The following CTNNA3 variants were observed in gnomAD, a reference collection of about 807,000 sequenced individuals.
CTNNA3 encodes catenin alpha-3.
In CTNNA3, 76 loss-of-function variants were observed where a neutral mutation model predicts 95.7. That is an observed-to-expected ratio of 0.79 (90% confidence interval 0.66 to 0.96). CTNNA3 has a LOEUF of 0.96. Ranked by LOEUF, CTNNA3 falls within the 40% of genes least tolerant of loss-of-function variation. CTNNA3 has a pLI of 0.00. For synonymous variants in CTNNA3, 431 were observed against 374.4 expected, an observed-to-expected ratio of 1.15 and a Z score of -1.74; for missense variants, 1,191 against 1,089.8, an observed-to-expected ratio of 1.09 and a Z score of -1.31.
chr10:66,751,457 T>C (rs937309906), intron 9 of CTNNA3, among the ~76,000 whole-genome samples: 6 of 152,324 alleles, frequency 3.9e-5, no homozygotes, highest in Admixed American at 3.3e-4. Context: ...CAGTTTTATT[T>C]CTTTTTCCCA....
At chr10:67,738,878 G>C (rs553018531) in intron 1 of CTNNA3, among the ~76,000 whole-genome samples, 9 of 152,240 alleles carry the variant, frequency 5.9e-5, no homozygotes, top group Admixed American at 5.9e-4. Context: ...GAAGTGAGAA[G>C]AGAAGTTTAG....
At chr10:67,081,984 C>A (rs1470004019) in intron 7 of CTNNA3, among the ~76,000 whole-genome samples, 1 of 152,152 alleles carries the variant, frequency 6.6e-6, no homozygotes, top group Non-Finnish European at 1.5e-5. Context: ...GAATTACCAG[C>A]ACATAACACA....
At chr10:65,990,404 T>TC (rs1338957742) in intron 15 of CTNNA3, among the ~76,000 whole-genome samples, 226 of 150,610 alleles carry the variant, frequency 1.5e-3, no homozygotes, top group African/African-American at 5.3e-3. Context: ...TTTTTTTTTT[T>TC]CCTTTTAATA....
intron 3 of CTNNA3, among the ~76,000 whole-genome samples, chr10:67,598,195 T>G (rs10997745): frequency 0.18 from 26,731 of 152,038 alleles, 3,402 homozygotes; most frequent in East Asian, 0.66. Context: ...TGATCATTCT[T>G]GTTCCAAACC....
chr10:66,255,608 C>T (rs758198172), intron 13 of CTNNA3, among the ~76,000 whole-genome samples: 7 of 152,130 alleles, frequency 4.6e-5, no homozygotes, highest in Non-Finnish European at 1.0e-4. Flanking sequence ...TACACCCTTT[C>T]CATCTGCTTC....
chr10:66,157,054 T>G (rs1390553062), intron 13 of CTNNA3, among the ~76,000 whole-genome samples: 3 of 151,872 alleles, frequency 2.0e-5, no homozygotes, highest in Non-Finnish European at 4.4e-5. Flanking sequence ...TTTTTAAAAT[T>G]TTTCCATAAG....
chr10:66,886,568 A>G (rs1036704735), intron 7 of CTNNA3, among the ~76,000 whole-genome samples: 3 of 152,124 alleles, frequency 2.0e-5, no homozygotes, highest in Non-Finnish European at 2.9e-5. Flanking sequence ...TAGATTTTCC[A>G]TCGACATGTT....
chr10:66,284,226 T>C (rs2091545170), intron 12 of CTNNA3, among the ~76,000 whole-genome samples: 1 of 151,940 alleles, frequency 6.6e-6, no homozygotes, highest in Non-Finnish European at 1.5e-5. Context: ...ATAGACAGAA[T>C]AATAGCTACC....
chr10:65,948,729 ATTGTTACCAT>A (rs903395754), intron 17 of CTNNA3, among the ~76,000 whole-genome samples: 8 of 152,186 alleles, frequency 5.3e-5, no homozygotes, highest in African/African-American at 9.6e-5. Flanking sequence ...AGGTTAGGAC[ATTGTTACCAT>A]TTGTTACCAT....
intron 7 of CTNNA3, among the ~76,000 whole-genome samples, chr10:66,825,170 T>C (rs1017950142): frequency 6.7e-6 from 1 of 149,550 alleles, no homozygotes; most frequent in Non-Finnish European, 1.5e-5. Context: ...TGACATATAG[T>C]GTAAAATAGC....
At chr10:67,234,020 A>C (rs1162528144) in intron 5 of CTNNA3, among the ~76,000 whole-genome samples, 1 of 152,234 alleles carries the variant, frequency 6.6e-6, no homozygotes, top group Non-Finnish European at 1.5e-5. Flanking sequence ...GGCAATAATC[A>C]ATAGCTTACC....
intron 10 of CTNNA3, among the ~76,000 whole-genome samples, chr10:66,565,642 G>A (rs1043361594): frequency 2.0e-5 from 3 of 152,110 alleles, no homozygotes; most frequent in South Asian, 2.1e-4. Context: ...GCATGGAGTC[G>A]CGCCTGAGGT....
In CTNNA3 at chr10:66,231,362, G is replaced by GA. The variant is rs201878707; in HGVS notation, c.1884+49107dup. Among the ~76,000 whole-genome samples, 308 of 150,918 alleles carry GA rather than the reference G, an allele frequency of 2.0e-3. 1 individual carries two copies. The highest frequency in any genetic ancestry group is 0.017 in the Middle Eastern group (5 of 292). ...AGAGGGTTTTTGATATTTCGTAATA[G>GA]AAAAAAAAATCATAAGATTTACTGA... On this transcript the variant is annotated intron_variant, in intron 13 of 17. Transcript: ENST00000433211.
intron 5 of CTNNA3, among the ~76,000 whole-genome samples, chr10:67,410,306 T>C (rs1459882115): frequency 6.6e-6 from 1 of 151,844 alleles, no homozygotes; most frequent in East Asian, 1.9e-4. Flanking sequence ...TAAATGATAA[T>C]AACACATAGA....
intron 1 of CTNNA3, among the ~76,000 whole-genome samples, chr10:67,667,719 A>C (rs1433643988): frequency 2.0e-5 from 3 of 152,178 alleles, no homozygotes; most frequent in Admixed American, 1.3e-4. Context: ...CAAATGTGGC[A>C]GTTTCTTTCC....
chr10:65,998,569 T>C (rs1015823120), intron 15 of CTNNA3, among the ~76,000 whole-genome samples: 3 of 152,050 alleles, frequency 2.0e-5, no homozygotes, highest in African/African-American at 4.8e-5. Context: ...ACTAAAGCAA[T>C]TGTTTTGATG....
At chr10:67,115,228 C>T (rs192435673) in intron 7 of CTNNA3, among the ~76,000 whole-genome samples, 1 of 151,918 alleles carries the variant, frequency 6.6e-6, no homozygotes, top group Non-Finnish European at 1.5e-5. Context: ...CGACTATAAT[C>T]ACCCAGGTGA....
intron 11 of CTNNA3, among the ~76,000 whole-genome samples, chr10:66,456,552 T>C (rs1282082911): frequency 6.6e-6 from 1 of 151,984 alleles, no homozygotes; most frequent in African/African-American, 2.4e-5. Flanking sequence ...GGCACATGAC[T>C]GTAATCCCAG....
intron 7 of CTNNA3, among the ~76,000 whole-genome samples, chr10:67,070,427 T>C (rs1445911258): frequency 6.6e-6 from 1 of 152,108 alleles, no homozygotes. Flanking sequence ...TCTCTATATA[T>C]ATATTTTTTA....
Sources: gnomAD v4.1 joint callset for allele counts (sites outside exome capture counted in the v4.1 genomes callset) on GRCh38, gnomAD v4.1.1 for gene constraint, MANE v1.5 for transcripts, NCBI Gene and HGNC (gene_info 2026-07-23, HGNC 2026-07-21) for gene names.